KREMEN1: variants seen among roughly 807,000 people sequenced by gnomAD.
KREMEN1 encodes the protein kringle containing transmembrane protein 1.
KREMEN1 carries 30 observed loss-of-function variants against 46.5 expected under a neutral mutation model. That is an observed-to-expected ratio of 0.65 (90% CI 0.48 to 0.88). The LOEUF is 0.88. KREMEN1 is among the 40% of genes least tolerant of loss of function. The pLI is 0.00. For missense variants in KREMEN1, 533 were observed against 596.9 expected, an observed-to-expected ratio of 0.89 and a Z score of 1.11; for synonymous variants, 214 against 230.6, an observed-to-expected ratio of 0.93 and a Z score of 0.65.
At chr22:29,128,177 G>A (rs2038475934) in intron 5 of KREMEN1, among the ~76,000 whole-genome samples, 1 of 152,170 alleles carries the variant, frequency 6.6e-6, no homozygotes, top group African/African-American at 2.4e-5. Context: ...GTATAACATT[G>A]TGGATATACT....
intron 9 of KREMEN1, among the ~76,000 whole-genome samples, chr22:29,153,697 C>T (rs112835729): frequency 3.9e-5 from 6 of 151,920 alleles, no homozygotes; most frequent in African/African-American, 1.5e-4. Context: ...AAAATAGGTA[C>T]AGGCTGGGCA....
At chr22:29,158,793 G>A (rs529188126) in intron 9 of KREMEN1, among the ~76,000 whole-genome samples, 1 of 152,270 alleles carries the variant, frequency 6.6e-6, no homozygotes, top group African/African-American at 2.4e-5. Context: ...GAAGATGATC[G>A]GCAGTAGTGG....
rs1233867355 is a variant in KREMEN1, at chr22:29,133,256, AAAAAAG to A, written c.632-4080_632-4075del. The stretch of plus-strand genomic sequence containing the variant: ...GAGCGAGACTCCATCTCAAAAAAAA[AAAAAAG>A]AAAAAAGAAAAAAGATTTTATCTTT... On this transcript the variant is annotated intron_variant, in intron 5 of 8. Transcript: ENST00000400335. Among the ~76,000 whole-genome samples, 1,442 of 150,886 alleles carry A rather than the reference AAAAAAG, an allele frequency of 9.6e-3. 27 individuals are homozygous for A. Among genetic ancestry groups the A allele is most frequent in the African/African-American group, 0.034 (1,375 of 40,832 alleles).
chr22:29,120,484 G>A (rs1457240465), intron 3 of KREMEN1, among the ~76,000 whole-genome samples: 1 of 120,490 alleles, frequency 8.3e-6, no homozygotes, highest in Non-Finnish European at 1.7e-5. Flanking sequence ...GAAACAGGGA[G>A]GAAGGAGAGG....
chr22:29,096,321 A>G (rs956852216), intron 2 of KREMEN1, among the ~76,000 whole-genome samples: 1 of 152,152 alleles, frequency 6.6e-6, no homozygotes, highest in African/African-American at 2.4e-5. Flanking sequence ...GTTGCTTCCT[A>G]TCAAGCAAGT....
chr22:29,167,300 A>C (rs1175718004), exon 10 of KREMEN1: 3 of 608,828 alleles, frequency 4.9e-6, no homozygotes, highest in Non-Finnish European at 8.9e-6. Context: ...TCGAGGCTGC[A>C]GTGAGCTATG....
chr22:29,131,738 G>GTATATATATGTATATATGTA (rs1464109980), intron 5 of KREMEN1, among the ~76,000 whole-genome samples: 21 of 131,974 alleles, frequency 1.6e-4, no homozygotes, highest in African/African-American at 3.2e-5. Context: ...GTATATATGT[G>GTATATATATGTATATATGTA]TATATATATG....
rs1255710108 is a variant in KREMEN1 at position 29,094,281 on chromosome 22, G to C, written c.121G>C (p.Asp41His). 2.5e-6 allele frequency: 4 copies of C among 1,612,438 alleles called. No individual in the cohort carries two copies. The highest frequency in any genetic ancestry group is 3.4e-6 in the Non-Finnish European group (4 of 1,179,472). ...AGAGTGTTTCACAGCCAATGGTGCGGATTATAGGGGAACACAGAACTGGAC... is the reference window on the plus strand; with the variant it reads ...AGAGTGTTTCACAGCCAATGGTGCGCATTATAGGGGAACACAGAACTGGAC... ...GPECFTANGA[D>H]YRGTQNWTAL... is the part of the protein sequence containing the mutation. Residue 41 changes from aspartate to histidine, a missense_variant, in exon 2 of 9, where the codon GAT becomes CAT. Physicochemically the swap from Asp to His is moderately conservative, Grantham distance 81. Transcript: ENST00000400335.
chr22:29,136,390 G>C (rs1264647418), intron 5 of KREMEN1, among the ~76,000 whole-genome samples: 7 of 151,586 alleles, frequency 4.6e-5, no homozygotes, highest in Non-Finnish European at 1.0e-4. Context: ...TGGCTAACAC[G>C]GTGAAACCCC....
intron 3 of KREMEN1, among the ~76,000 whole-genome samples, chr22:29,105,463 GCA>G (rs1181636900): frequency 1.8e-5 from 2 of 112,938 alleles, no homozygotes; most frequent in African/African-American, 3.1e-5. Flanking sequence ...GTGCGTGTGC[GCA>G]CACACACACA....
At chr22:29,164,193 T>C (rs1034987318) in intron 9 of KREMEN1, among the ~76,000 whole-genome samples, 2 of 152,214 alleles carry the variant, frequency 1.3e-5, no homozygotes, top group African/African-American at 2.4e-5. Context: ...TAGTCCAAAA[T>C]GGAAACGGCT....
At chr22:29,166,783 A>T (rs2039056023) in intron 9 of KREMEN1, among the ~76,000 whole-genome samples, 2 of 152,126 alleles carry the variant, frequency 1.3e-5, no homozygotes, top group Non-Finnish European at 2.9e-5. Context: ...TCAAAAAAAA[A>T]TTAGCCTAAT....
intron 1 of KREMEN1, among the ~76,000 whole-genome samples, chr22:29,085,403 T>C (rs1272505585): frequency 6.6e-6 from 1 of 152,214 alleles, no homozygotes; most frequent in Non-Finnish European, 1.5e-5. Context: ...CATTTTAGTA[T>C]GTATCTCTAA....
intron 5 of KREMEN1, among the ~76,000 whole-genome samples, chr22:29,136,461 C>T (rs2038658904): frequency 6.6e-6 from 1 of 151,590 alleles, no homozygotes; most frequent in South Asian, 2.1e-4. Context: ...GTAGTCCCAG[C>T]TACTCGGAAG....
At chr22:29,110,169 C>T (rs1601777655) in intron 3 of KREMEN1, among the ~76,000 whole-genome samples, 1 of 152,234 alleles carries the variant, frequency 6.6e-6, no homozygotes, top group African/African-American at 2.4e-5. Context: ...CTGCTGCTGT[C>T]ACCTGGGCTT....
chr22:29,110,942 CAT>C (rs766477021), intron 3 of KREMEN1, among the ~76,000 whole-genome samples: 1 of 152,066 alleles, frequency 6.6e-6, no homozygotes, highest in Non-Finnish European at 1.5e-5. Context: ...CTCAGATGTA[CAT>C]AGTTTTTCTT....
At chr22:29,116,481 G>A (rs994951020) in intron 3 of KREMEN1, among the ~76,000 whole-genome samples, 1 of 152,160 alleles carries the variant, frequency 6.6e-6, no homozygotes, top group Non-Finnish European at 1.5e-5. Context: ...CTACCTCATG[G>A]TGTGTTTCAA....
chr22:29,093,107 C>T (rs2145759838), intron 1 of KREMEN1, among the ~76,000 whole-genome samples: 1 of 152,270 alleles, frequency 6.6e-6, no homozygotes, highest in African/African-American at 2.4e-5. Context: ...GAAGGAGGTG[C>T]TGGAAGAGAG....
chr22:29,146,482 G>C lies in KREMEN1; in HGVS notation c.*4370G>C, dbSNP rs1023705633. The C allele has an allele frequency of 1.0e-6, 1 of 985,430 alleles. No individual in the cohort carries two copies. The highest frequency in any genetic ancestry group is 6.1e-5 in the Admixed American group (1 of 16,266). The allele number at this position is 985,430 out of a possible 1,614,324, so 61.0% of individuals were successfully genotyped here. A position where few individuals can be genotyped will look rare whatever the true frequency, so the allele number is the denominator to read the frequency against. ...GAAAGGAAGGGTCTTTAGACACAAA[G>C]ACTGGAGGCCCTTCCCCGCCCGCAC... On this transcript the variant is annotated 3_prime_UTR_variant, in exon 9 of 9. Coordinates refer to ENST00000400335, the MANE Select transcript of KREMEN1 (RefSeq NM_001039570.3).
Sources: gnomAD v4.1 joint callset for allele counts (sites outside exome capture counted in the v4.1 genomes callset) on GRCh38, gnomAD v4.1.1 for gene constraint, MANE v1.5 for transcripts, NCBI Gene and HGNC (gene_info 2026-07-23, HGNC 2026-07-21) for gene names.